Variants in PUDP observed in about 807,000 individuals in gnomAD.
The protein encoded by PUDP is pseudouridine 5'-phosphatase.
Under a neutral mutation model 9.4 loss-of-function variants are expected in PUDP, and 8 were observed. The ratio of observed to expected loss-of-function variants is 0.85; its 90% CI spans 0.50 to 1.53. The LOEUF (loss-of-function observed/expected upper bound fraction) is 1.53. Ranked by LOEUF, PUDP falls within the 40% of genes most tolerant of loss-of-function variation. The probability of loss-of-function intolerance (pLI) is 0.00; values close to 1 mark genes in which losing one functional copy is unlikely to be tolerated. For synonymous variants in PUDP, 99 were observed against 80.7 expected (o/e 1.23, Z -1.22); for missense variants, 188 against 189.7 (o/e 0.99, Z 0.05).
At chrX:7,012,403 T>C (rs1170909930) in intron 1 of PUDP, among the ~76,000 whole-genome samples, 1 of 112,381 alleles carries the variant, frequency 8.9e-6, no homozygotes, top group Admixed American at 9.4e-5. Context: ...CACATGTTCC[T>C]GATAGCTCTC....
downstream of PUDP, among the ~76,000 whole-genome samples, chrX:7,044,834 A>C (rs750093467): frequency 8.9e-6 from 1 of 112,767 alleles, no homozygotes; most frequent in South Asian, 3.7e-4. Flanking sequence ...AGTTTTCCCT[A>C]TTTCAGCAAC....
intron 3 of PUDP, among the ~76,000 whole-genome samples, chrX:6,926,068 C>A (rs1928097170): frequency 9.0e-6 from 1 of 111,718 alleles, no homozygotes; most frequent in South Asian, 3.8e-4. Flanking sequence ...GATCCCCCAT[C>A]ACATCATGGC....
At position 6,917,558 on chromosome X, in the gene PUDP, T is replaced by TA. The variant is rs1297032164; in HGVS notation, c.*247+59574dup. 2.7e-5 allele frequency among the ~76,000 whole-genome samples: 3 copies of TA among 111,505 alleles called. No individual in the cohort carries two copies. In the East Asian group the frequency reaches 8.4e-4, roughly 31 times the overall value. ...AATTGTTGAAAAAATTATCTAAATA[T>TA]AAAATAGGGCCGACACATGATGAAA... is the stretch of plus-strand genomic sequence containing the variant. On this transcript the variant is annotated intron_variant and NMD_transcript_variant, in intron 3 of 3. Coordinates refer to the PUDP transcript ENST00000655425.
chrX:7,139,630 T>G (rs1436796845), intron 1 of PUDP, among the ~76,000 whole-genome samples: 1 of 111,966 alleles, frequency 8.9e-6, no homozygotes, highest in African/African-American at 3.2e-5. Context: ...ACTATGACCA[T>G]TTGCTCTTAC....
chrX:6,943,291 T>C (rs1403170790), intron 3 of PUDP, among the ~76,000 whole-genome samples: 1 of 112,243 alleles, frequency 8.9e-6, no homozygotes, highest in Non-Finnish European at 1.9e-5. Context: ...ACTTCTAAAA[T>C]ATTTAATAGA....
chrX:7,004,479 A>G lies in PUDP; in HGVS notation c.205-26136T>C, dbSNP rs192996527. Among the ~76,000 whole-genome samples the G allele has an allele frequency of 1.9e-3, 215 of 111,920 alleles. 1 individual carries two copies. The highest frequency in any genetic ancestry group is 3.3e-3 in the Non-Finnish European group (175 of 53,264). On this transcript the variant is annotated intron_variant and NMD_transcript_variant, in intron 1 of 3. Coordinates refer to the PUDP transcript ENST00000655425. ...AATAACGTGGCTTACAAAGACTGATATGAAATAGTTGATCCAACCCAAACA... is the reference window on the plus strand; with the variant it reads ...AATAACGTGGCTTACAAAGACTGATGTGAAATAGTTGATCCAACCCAAACA...
chrX:7,124,052 G>C (rs1486021535), intron 1 of PUDP, among the ~76,000 whole-genome samples: 1 of 112,186 alleles, frequency 8.9e-6, no homozygotes, highest in African/African-American at 3.2e-5. Flanking sequence ...ATTAAAACTT[G>C]ACAGACATCT....
intron 3 of PUDP, among the ~76,000 whole-genome samples, chrX:6,964,883 T>A (rs1186278495): frequency 9.0e-6 from 1 of 111,051 alleles, no homozygotes; most frequent in Admixed American, 9.7e-5. Context: ...CTTTCCTAAG[T>A]TTTTTCCCCC....
intron 3 of PUDP, among the ~76,000 whole-genome samples, chrX:7,076,840 G>T (rs1171242894): frequency 8.9e-6 from 1 of 112,206 alleles, no homozygotes; most frequent in Non-Finnish European, 1.9e-5. Context: ...ATTTACATCT[G>T]AACTGCAGTG....
chrX:7,028,227 A>G (rs1162578197), intron 1 of PUDP, among the ~76,000 whole-genome samples: 1 of 110,365 alleles, frequency 9.1e-6, no homozygotes, highest in Non-Finnish European at 1.9e-5. Context: ...TATATATTGT[A>G]AGGAGGAAGA....
Position 7,148,083 on chromosome X carries a change from G to A in PUDP, c.31C>T (p.Leu11Phe), listed in dbSNP as rs748017610. The A allele has an allele frequency of 1.1e-5, 13 of 1,137,104 alleles. No homozygotes were observed. In the South Asian group the frequency reaches 2.6e-4, roughly 23 times the overall value. 93.7% of individuals were successfully genotyped at this position (1,137,104 alleles called of 1,213,427 possible). A position where few individuals can be genotyped will look rare whatever the true frequency, so the allele number is the denominator to read the frequency against. Residue 11 changes from leucine (L) to phenylalanine (F), a missense_variant, in exon 1 of 4, where the codon CTC (leucine) becomes TTC (phenylalanine). Transcript: ENST00000381077. ...AGAAGTCCGTCCATGTCAAAGATGA[G>A]GTGGGTGACGGGCTGCGGGGGCGCC... MAAPPQPVTH[L>F]IFDMDGLLLD...
intron 3 of PUDP, among the ~76,000 whole-genome samples, chrX:6,919,399 G>A (rs1257185743): frequency 1.8e-5 from 2 of 111,259 alleles, no homozygotes; most frequent in Non-Finnish European, 3.8e-5. Context: ...GAAAAGCCCT[G>A]GAGGGCTGTT....
chrX:6,767,473 A>G (rs758658480), intron 3 of PUDP, among the ~76,000 whole-genome samples: 1 of 112,645 alleles, frequency 8.9e-6, no homozygotes, highest in Non-Finnish European at 1.9e-5. Context: ...ATACATGGCC[A>G]TACAGAAATA....
intron 3 of PUDP, among the ~76,000 whole-genome samples, chrX:6,797,306 C>T (rs1286200098): frequency 4.5e-5 from 5 of 111,517 alleles, no homozygotes; most frequent in Admixed American, 9.5e-5. Flanking sequence ...TCTAAAATGC[C>T]CCCCAACAGT....
chrX:7,082,476 G>A (rs1294865522), intron 2 of PUDP, among the ~76,000 whole-genome samples: 1 of 112,144 alleles, frequency 8.9e-6, no homozygotes, highest in Non-Finnish European at 1.9e-5. Flanking sequence ...GGTACCGGGG[G>A]TTGACAACGC....
At chrX:7,048,341 T>C (rs1265267885), downstream of PUDP, among the ~76,000 whole-genome samples, 1 of 112,520 alleles carries the variant, frequency 8.9e-6, no homozygotes, top group Admixed American at 9.4e-5. Context: ...AATTACTCTT[T>C]AAACTTCCTT....
chrX:7,115,078 A>G (rs921037446), intron 1 of PUDP, among the ~76,000 whole-genome samples: 9 of 112,456 alleles, frequency 8.0e-5, no homozygotes, highest in Non-Finnish European at 1.5e-4. Flanking sequence ...ATAGTTAATT[A>G]GGCCTGCATC....
At chrX:6,741,875 T>A (rs181698438) in intron 3 of PUDP, among the ~76,000 whole-genome samples, 5,394 of 108,090 alleles carry the variant, frequency 0.05, 153 homozygotes, top group African/African-American at 0.078. Context: ...TTTCTTTCTT[T>A]GATGGAGTCT....
intron 1 of PUDP, among the ~76,000 whole-genome samples, chrX:7,035,566 CCA>C (rs1285535554): frequency 8.9e-6 from 1 of 111,973 alleles, no homozygotes; most frequent in African/African-American, 3.2e-5. Flanking sequence ...ACCATAATTT[CCA>C]CAGATTTAAC....
Sources: gnomAD v4.1 joint callset for allele counts (sites outside exome capture counted in the v4.1 genomes callset) on GRCh38, gnomAD v4.1.1 for gene constraint, MANE v1.5 for transcripts, NCBI Gene and HGNC (gene_info 2026-07-23, HGNC 2026-07-21) for gene names.